The following MANBA variants were observed in gnomAD, a reference collection of about 807,000 sequenced individuals.
MANBA encodes the protein mannosidase beta.
A neutral mutation model predicts 111.1 loss-of-function variants in MANBA; 83 were observed. That is an observed-to-expected ratio of 0.75 (90% confidence interval 0.63 to 0.90). The LOEUF (loss-of-function observed/expected upper bound fraction) is 0.90. Among genes scored for constraint, MANBA ranks in the 40% least tolerant of loss-of-function variants. The pLI is 0.00. For missense variants in MANBA, 1,036 were observed against 1,069.0 expected, an observed-to-expected ratio of 0.97 and a Z score of 0.43; for synonymous variants, 370 against 378.7, an observed-to-expected ratio of 0.98 and a Z score of 0.27.
At chr4:102,702,781 G>A (rs1373481165) in intron 5 of MANBA, among the ~76,000 whole-genome samples, 3 of 152,146 alleles carry the variant, frequency 2.0e-5, no homozygotes, top group Admixed American at 1.3e-4. Context: ...AGGGAACTAT[G>A]GTTGGTCCTT....
In MANBA at chr4:102,759,612, C is replaced by T. The variant is rs80307983; in HGVS notation, c.177+1106G>A. The stretch of plus-strand genomic sequence containing the variant: ...TAAGTACCAGGTCAGAAATTTGGCA[C>T]AACCCTAGATGACCACCTTGTCATG... On this transcript the variant is annotated intron_variant, in intron 1 of 16. Coordinates refer to ENST00000647097, the MANE Select transcript of MANBA (RefSeq NM_005908.4). Among the ~76,000 whole-genome samples the T allele has an allele frequency of 2.9e-3, 440 of 149,640 alleles. 4 individuals carry two copies. The highest frequency in any genetic ancestry group is 0.017 in the Middle Eastern group (5 of 286).
rs995927004 is a variant in MANBA, at chr4:102,714,517, G to C, written c.594C>G (p.Thr198=). 6.2e-7 allele frequency: 1 copy of C among 1,606,570 alleles called. No individual in the cohort carries two copies. ...FSWDWGPSFP[T]QGIWKDVRIE... ...TTCTAACATCTTTCCAGATTCCCTG[G>C]GTAGGAAAGGAAGGCCCCCAGTCCC... The change falls in exon 5 of 17, where the codon ACC becomes ACG. Residue 198 remains threonine (T), a synonymous_variant. Transcript: ENST00000647097.
rs1315254452 is a variant in MANBA at position 102,726,654 on chromosome 4, G to C, written c.207C>G (p.Asn69Lys). 1 of 1,570,548 alleles carries C rather than the reference G, an allele frequency of 6.4e-7. No homozygotes were observed. The highest frequency in any genetic ancestry group is 8.8e-7 in the Non-Finnish European group (1 of 1,141,070). The change falls in exon 2 of 17, where the codon AAC becomes AAG. Residue 69 changes from asparagine to lysine, a missense_variant. Asn to Lys is a moderately conservative substitution (Grantham distance 94). Coordinates refer to ENST00000647097, the MANE Select transcript of MANBA (RefSeq NM_005908.4). Reference protein sequence around the residue: ...QDSYYRFNDLNYRWVSLDNWT... With the variant: ...QDSYYRFNDLKYRWVSLDNWT... ...AGTTATCCAAAGAGACCCATCTGTAGTTAAGGTCATTAAATCTGTAGTAAG... is the reference window on the plus strand; with the variant it reads ...AGTTATCCAAAGAGACCCATCTGTACTTAAGGTCATTAAATCTGTAGTAAG...
chr4:102,649,236 G>T (rs1228390057), intron 13 of MANBA, among the ~76,000 whole-genome samples: 2 of 152,094 alleles, frequency 1.3e-5, no homozygotes, highest in Non-Finnish European at 2.9e-5. Flanking sequence ...ATCCATTGGT[G>T]GACATATGAA....
At chr4:102,714,082 C>G (rs1396475937) in intron 5 of MANBA, among the ~76,000 whole-genome samples, 1 of 151,988 alleles carries the variant, frequency 6.6e-6, no homozygotes, top group Admixed American at 6.6e-5. Context: ...GTGAGCAAAG[C>G]AAGAATTTGA....
chr4:102,755,453 C>T (rs1264720209), intron 1 of MANBA, among the ~76,000 whole-genome samples: 1 of 152,094 alleles, frequency 6.6e-6, no homozygotes, highest in Non-Finnish European at 1.5e-5. Flanking sequence ...TTCCTTATAC[C>T]TTATACAAAA....
chr4:102,671,913 C>A (rs1560764057), intron 8 of MANBA: 1 of 415,186 alleles, frequency 2.4e-6, no homozygotes, highest in Non-Finnish European at 4.2e-6. Flanking sequence ...AGAGCATGTA[C>A]CTTCCCTCCA....
intron 1 of MANBA, among the ~76,000 whole-genome samples, chr4:102,748,831 T>G (rs1723679695): frequency 6.6e-6 from 1 of 152,124 alleles, no homozygotes; most frequent in Non-Finnish European, 1.5e-5. Context: ...GAGAATCACT[T>G]GAACCCAGGA....
intron 1 of MANBA, among the ~76,000 whole-genome samples, chr4:102,758,823 C>T (rs1416630864): frequency 6.6e-6 from 1 of 152,228 alleles, no homozygotes; most frequent in East Asian, 1.9e-4. Context: ...TGTGCCCAGC[C>T]TGATGATTAT....
Position 102,714,501 on chromosome 4 carries a change from C to T in MANBA, c.610G>A (p.Asp204Asn), listed in dbSNP as rs768571823. The T allele has an allele frequency of 2.5e-5, 40 of 1,604,644 alleles. No homozygotes were observed. Among genetic ancestry groups the T allele is most frequent in the Non-Finnish European group, 6.0e-6 (7 of 1,171,510 alleles). Residue 204 changes from aspartate (D) to asparagine (N), a missense_variant, in exon 5 of 17, where the codon GAT becomes AAT. Coordinates refer to ENST00000647097, the MANE Select transcript of MANBA (RefSeq NM_005908.4). Reference protein sequence around the residue: ...PSFPTQGIWKDVRIEAYNICH... With the variant: ...PSFPTQGIWKNVRIEAYNICH... Reference sequence around the variant, plus strand: ...ATATTATAGGCTTCAATTCTAACATCTTTCCAGATTCCCTGGGTAGGAAAG... The same window carrying T: ...ATATTATAGGCTTCAATTCTAACATTTTTCCAGATTCCCTGGGTAGGAAAG...
chr4:102,650,436 G>A lies in MANBA; in HGVS notation c.1869+101C>T, dbSNP rs899071043. The A allele has an allele frequency of 3.3e-6, 4 of 1,216,504 alleles. No individual in the cohort carries two copies. In the African/African-American group the frequency reaches 6.0e-5, roughly 18 times the overall value. 75.4% of individuals were successfully genotyped at this position (1,216,504 alleles called of 1,614,324 possible). On this transcript the variant is annotated intron_variant, in intron 13 of 16. Coordinates refer to ENST00000647097, the MANE Select transcript of MANBA (RefSeq NM_005908.4). ...AAATAAATTCCTTAACCAGTGGAATGAAAACCTGAATATTTTTCACCATAT... is the reference window on the plus strand; with the variant it reads ...AAATAAATTCCTTAACCAGTGGAATAAAAACCTGAATATTTTTCACCATAT...
At chr4:102,678,752 C>T (rs1731835746) in intron 7 of MANBA, among the ~76,000 whole-genome samples, 1 of 152,100 alleles carries the variant, frequency 6.6e-6, no homozygotes, top group South Asian at 2.1e-4. Flanking sequence ...TAGTTGAATG[C>T]ATTCTTTCAA....
rs755672769 is a variant in MANBA, at chr4:102,690,778, T to A, written c.674-7A>T. Reference sequence around the variant, plus strand: ...CACTCCTGGGCACTCTTATCTAAAATATAAAAAGAAAAAGAAATATATATA... The same window carrying A: ...CACTCCTGGGCACTCTTATCTAAAAAATAAAAAGAAAAAGAAATATATATA... On this transcript the variant is annotated splice_region_variant and splice_polypyrimidine_tract_variant and intron_variant, in intron 5 of 16. Coordinates refer to ENST00000647097, the MANE Select transcript of MANBA (RefSeq NM_005908.4). 2 of 1,329,282 alleles carry A rather than the reference T, an allele frequency of 1.5e-6. No individual in the cohort carries two copies. Among genetic ancestry groups the A allele is most frequent in the African/African-American group, 1.5e-5 (1 of 67,276 alleles). The allele number at this position is 1,329,282 out of a possible 1,614,324, so 82.3% of individuals were successfully genotyped here.
chr4:102,694,769 T>A (rs1732633391), intron 5 of MANBA, among the ~76,000 whole-genome samples: 3 of 152,120 alleles, frequency 2.0e-5, no homozygotes, highest in African/African-American at 7.2e-5. Context: ...AGGACAGGAA[T>A]TCTTTATCAA....
At chr4:102,732,063 A>C (rs1161450103) in intron 1 of MANBA, among the ~76,000 whole-genome samples, 1 of 152,028 alleles carries the variant, frequency 6.6e-6, no homozygotes, top group Admixed American at 6.5e-5. Flanking sequence ...ATGCACCACC[A>C]CACCTGGCTA....
intron 5 of MANBA, among the ~76,000 whole-genome samples, chr4:102,711,810 G>T (rs1179640098): frequency 6.6e-6 from 1 of 152,134 alleles, no homozygotes. Context: ...ATTAGACAGA[G>T]AAAGACAAAT....
intron 7 of MANBA, among the ~76,000 whole-genome samples, chr4:102,687,152 T>C (rs1235220827): frequency 6.6e-6 from 1 of 152,076 alleles, no homozygotes; most frequent in African/African-American, 2.4e-5. Context: ...GAACCATTCC[T>C]AACTCCTTCT....
chr4:102,727,527 T>C, intron 1 of MANBA: 1 of 1,580,514 alleles, frequency 6.3e-7, no homozygotes, highest in Non-Finnish European at 8.7e-7. Flanking sequence ...TGAGGGGCCG[T>C]AGCTGCTGGT....
intron 1 of MANBA, among the ~76,000 whole-genome samples, chr4:102,752,835 AGAAT>A (rs1370249725): frequency 3.9e-4 from 60 of 152,374 alleles, no homozygotes; most frequent in African/African-American, 1.4e-3. Flanking sequence ...TAAAATAAAA[AGAAT>A]GATTGTGACT....
Sources: gnomAD v4.1 joint callset for allele counts (sites outside exome capture counted in the v4.1 genomes callset) on GRCh38, gnomAD v4.1.1 for gene constraint, MANE v1.5 for transcripts, NCBI Gene and HGNC (gene_info 2026-07-23, HGNC 2026-07-21) for gene names.